The following SASH1 variants were observed in gnomAD, a reference collection of about 807,000 sequenced individuals.
SASH1 encodes SAM and SH3 domain-containing protein 1.
A neutral mutation model predicts 125.2 loss-of-function variants in SASH1; 44 were observed. The ratio of observed to expected loss-of-function variants is 0.35; its 90% confidence interval spans 0.28 to 0.45. The LOEUF (loss-of-function observed/expected upper bound fraction) is 0.45. Among genes scored for constraint, SASH1 ranks in the 20% least tolerant of loss-of-function variants. The pLI, the probability that SASH1 is intolerant of heterozygous loss-of-function variation, is 1.00. For missense variants in SASH1, 1,426 were observed against 1,614.5 expected (o/e 0.88, Z 2.00); for synonymous variants, 639 against 649.1 (o/e 0.98, Z 0.24).
the SASH1 span, among the ~76,000 whole-genome samples, chr6:148,198,431 G>A: frequency 6.6e-6 from 1 of 152,104 alleles, no homozygotes; most frequent in Non-Finnish European, 1.5e-5. Flanking sequence ...TTGATATTGA[G>A]GTAGCCGCCC....
chr6:148,350,046 C>T (rs913757607), intron 1 of SASH1, among the ~76,000 whole-genome samples: 1 of 152,094 alleles, frequency 6.6e-6, no homozygotes, highest in African/African-American at 2.4e-5. Flanking sequence ...GGGGTTTCAC[C>T]GTGTTAGCCA....
intron 12 of SASH1, among the ~76,000 whole-genome samples, chr6:148,530,975 A>C (rs1013134770): frequency 1.3e-5 from 2 of 152,226 alleles, no homozygotes; most frequent in Non-Finnish European, 2.9e-5. Context: ...ACTGGAAAAT[A>C]GTATGTTTGC....
intron 17 of SASH1, among the ~76,000 whole-genome samples, chr6:148,542,338 A>C (rs891759012): frequency 6.6e-6 from 1 of 152,126 alleles, no homozygotes; most frequent in Admixed American, 6.5e-5. Flanking sequence ...TTAAAATCTG[A>C]TGCAATTTTT....
chr6:148,503,874 T>A (rs1779660842), intron 8 of SASH1, among the ~76,000 whole-genome samples: 1 of 152,160 alleles, frequency 6.6e-6, no homozygotes, highest in African/African-American at 2.4e-5. Flanking sequence ...ATTACCAAGT[T>A]TTCTGAGTAT....
intron 1 of SASH1, among the ~76,000 whole-genome samples, chr6:148,314,139 A>C (rs1440892540): frequency 6.6e-6 from 1 of 152,160 alleles, no homozygotes; most frequent in Non-Finnish European, 1.5e-5. Flanking sequence ...TAATCAGAGG[A>C]TAAACAACAT....
upstream of SASH1, among the ~76,000 whole-genome samples, chr6:148,267,535 C>T (rs539182054): frequency 3.4e-4 from 51 of 152,036 alleles, no homozygotes; most frequent in Non-Finnish European, 5.7e-4. Flanking sequence ...CCCGCCACCA[C>T]GCCCGGCTAA....
chr6:148,388,505 T>C (rs1218347427), intron 1 of SASH1, among the ~76,000 whole-genome samples: 3 of 152,222 alleles, frequency 2.0e-5, no homozygotes, highest in African/African-American at 7.2e-5. Flanking sequence ...GAAGAGTCCT[T>C]CTTGTCTCCA....
chr6:148,449,270 A>G (rs1443776464), intron 4 of SASH1, among the ~76,000 whole-genome samples: 1 of 150,698 alleles, frequency 6.6e-6, no homozygotes, highest in Non-Finnish European at 1.5e-5. Context: ...GGGTTTCACC[A>G]TATTGGCCAG....
At chr6:148,504,828 C>G (rs1454961663) in intron 8 of SASH1, among the ~76,000 whole-genome samples, 2 of 152,130 alleles carry the variant, frequency 1.3e-5, no homozygotes, top group Non-Finnish European at 2.9e-5. Context: ...CATCGAGTAT[C>G]TTGATAAATA....
chr6:148,535,811 T>C (rs1367952730), intron 16 of SASH1, among the ~76,000 whole-genome samples: 1 of 152,238 alleles, frequency 6.6e-6, no homozygotes, highest in Non-Finnish European at 1.5e-5. Context: ...CTTCAAGGAC[T>C]CTGCTTCAGG....
intron 2 of SASH1, among the ~76,000 whole-genome samples, chr6:148,410,009 C>T (rs1247348453): frequency 1.3e-5 from 2 of 150,178 alleles, no homozygotes; most frequent in African/African-American, 4.9e-5. Flanking sequence ...CTTATCTTGA[C>T]ACAAATTTGA....
chr6:148,537,776 C>CTGTGTGTGTGTGTGTGTGTGTG (rs55644027), intron 16 of SASH1, among the ~76,000 whole-genome samples: 12 of 125,596 alleles, frequency 9.6e-5, no homozygotes, highest in East Asian at 7.7e-4. Flanking sequence ...TTAGCATATT[C>CTGTGTGTGTGTGTGTGTGTGTG]TGTGTGTGTG....
At chr6:148,400,163 G>A (rs1223032072) in intron 2 of SASH1, among the ~76,000 whole-genome samples, 1 of 152,228 alleles carries the variant, frequency 6.6e-6, no homozygotes, top group Non-Finnish European at 1.5e-5. Context: ...TCATTTAGCG[G>A]TGATGTCAAC....
chr6:148,277,554 G>A (rs1163141429), intron 1 of SASH1, among the ~76,000 whole-genome samples: 4 of 152,158 alleles, frequency 2.6e-5, no homozygotes, highest in African/African-American at 9.7e-5. Context: ...CTTATTCCAG[G>A]TAATGTCCAG....
intron 9 of SASH1, among the ~76,000 whole-genome samples, chr6:148,517,692 T>C (rs1487708881): frequency 6.6e-6 from 1 of 152,232 alleles, no homozygotes; most frequent in Non-Finnish European, 1.5e-5. Flanking sequence ...CTGACTTTCC[T>C]GAACCCGAGA....
At chr6:148,536,341 ATTTTG>A (rs1423981279) in intron 16 of SASH1, among the ~76,000 whole-genome samples, 6 of 151,706 alleles carry the variant, frequency 4.0e-5, no homozygotes, top group Admixed American at 2.0e-4. Flanking sequence ...GTTTTGTTTT[ATTTTG>A]TTTTGTTTTT....
chr6:148,253,108 G>A, the SASH1 span, among the ~76,000 whole-genome samples: 1 of 152,160 alleles, frequency 6.6e-6, no homozygotes, highest in Non-Finnish European at 1.5e-5. Context: ...CAAGCTTCAT[G>A]GGACCTAGAA....
intron 4 of SASH1, among the ~76,000 whole-genome samples, chr6:148,456,193 C>T (rs1484332496): frequency 6.6e-6 from 1 of 152,198 alleles, no homozygotes; most frequent in Non-Finnish European, 1.5e-5. Context: ...CTCCCTTCCC[C>T]ACCCCAGGCC....
the SASH1 span, among the ~76,000 whole-genome samples, chr6:148,243,568 A>G: frequency 1.4e-4 from 20 of 146,360 alleles, no homozygotes; most frequent in South Asian, 8.9e-4. Context: ...GCTTAAACCC[A>G]GGAGGTGGAG....
Sources: gnomAD v4.1 joint callset for allele counts (sites outside exome capture counted in the v4.1 genomes callset) on GRCh38, gnomAD v4.1.1 for gene constraint, MANE v1.5 for transcripts, NCBI Gene and HGNC (gene_info 2026-07-23, HGNC 2026-07-21) for gene names.